The following MICALL2 variants were observed in gnomAD, a reference collection of about 807,000 sequenced individuals.
MICALL2 encodes MICAL like 2, also known as MICAL-like protein 2.
A neutral mutation model predicts 91.1 loss-of-function variants in MICALL2; 111 were observed. That is an observed-to-expected ratio of 1.22 (90% CI 1.04 to 1.43). The LOEUF (loss-of-function observed/expected upper bound fraction) is 1.43. MICALL2 is among the 40% of genes most tolerant of loss of function. The pLI, the probability that MICALL2 is intolerant of heterozygous loss-of-function variation, is 0.00. For synonymous variants in MICALL2, 694 were observed against 525.3 expected, an observed-to-expected ratio of 1.32 and a Z score of -4.39; for missense variants, 1,556 against 1,236.0, an observed-to-expected ratio of 1.26 and a Z score of -3.88.
chr7:1,447,207 C>T (rs980508167), intron 4 of MICALL2, among the ~76,000 whole-genome samples: 29 of 152,320 alleles, frequency 1.9e-4, no homozygotes, highest in African/African-American at 6.5e-4. Flanking sequence ...CACCGCCTTC[C>T]ACCCCAACTC....
intron 8 of MICALL2, 114 bp downstream of exon 8, chr7:1,440,477 A>T: frequency 2.1e-6 from 2 of 936,572 alleles, no homozygotes; most frequent in Admixed American, 3.9e-5. Context: ...TGCTACTCAC[A>T]GGGAGGTGCG....
At chr7:1,457,896 C>A (rs996251333) in intron 1 of MICALL2, among the ~76,000 whole-genome samples, 1 of 152,276 alleles carries the variant, frequency 6.6e-6, no homozygotes, top group Non-Finnish European at 1.5e-5. Context: ...CTCCCCATTC[C>A]GGGTCCTTCT....
chr7:1,439,218 G>A (rs1780139446), intron 9 of MICALL2: 1 of 533,920 alleles, frequency 1.9e-6, no homozygotes, highest in Non-Finnish European at 3.3e-6. Context: ...GGCTGCTCAA[G>A]GTCACACAGG....
intron 13 of MICALL2, 67 bp downstream of exon 13, chr7:1,437,823 C>CGCCTG (rs1562446701): frequency 1.4e-6 from 2 of 1,449,078 alleles, no homozygotes; most frequent in East Asian, 5.0e-5. Context: ...TCCTGTCCCC[C>CGCCTG]GCCTGGCCTG....
intron 16 of MICALL2, 180 bp downstream of exon 16, chr7:1,434,921 G>C: frequency 1.3e-6 from 1 of 754,204 alleles, no homozygotes; most frequent in Non-Finnish European, 2.2e-6. Flanking sequence ...GCGGGAGGGA[G>C]CTCTCACCCT....
chr7:1,441,829 C>T (rs958515461), intron 7 of MICALL2: 39 of 302,112 alleles, frequency 1.3e-4, no homozygotes, highest in African/African-American at 2.4e-4. Context: ...CAAAACACCA[C>T]GGGAGAACAG....
chr7:1,439,282 C>T, intron 9 of MICALL2: 1 of 439,180 alleles, frequency 2.3e-6, no homozygotes, highest in South Asian at 3.5e-5. Context: ...GCTAGGAATA[C>T]ACACAGAGAT....
In MICALL2 at chr7:1,446,765, G is replaced by A. The variant is rs752670202; in HGVS notation, c.589C>T (p.Leu197=). The A allele has an allele frequency of 1.4e-5, 22 of 1,608,492 alleles. No individual in the cohort carries two copies. In the Admixed American group the frequency reaches 1.5e-4, roughly 11 times the overall value. ...CCGTCGGCCAGGTGCCGCTGTACCA[G>A]GTGCACGTGCTTGCCGCAGACCCCG... ...TCGVCGKHVH[L]VQRHLADGRL... is the part of the protein sequence containing the mutation. Residue 197 remains leucine (L), a synonymous_variant, in exon 5 of 17, where the codon CTG becomes TTG. Transcript: ENST00000297508.
At position 1,436,728 on chromosome 7, in the gene MICALL2, C is replaced by CTGGG; in HGVS notation, c.2591+13_2591+14insCCCA. On this transcript the variant is annotated intron_variant, in intron 15 of 16. Coordinates refer to ENST00000297508, the MANE Select transcript of MICALL2 (RefSeq NM_182924.4). ...TGGCCTGGCTGGGAGGGGCCCCCGG[C>CTGGG]ACCTGCCCCTCACCGGAGCCGGTCC... 2 of 1,592,966 alleles carry CTGGG rather than the reference C, an allele frequency of 1.3e-6. No individual in the cohort carries two copies. Among genetic ancestry groups the CTGGG allele is most frequent in the Admixed American group, 3.4e-5 (2 of 58,430 alleles).
chr7:1,450,366 T>C, intron 1 of MICALL2, 78 bp from the exon 2 acceptor site: 1 of 1,237,456 alleles, frequency 8.1e-7, no homozygotes, highest in East Asian at 2.3e-5. Flanking sequence ...GAGGTCATCT[T>C]GCCCAAACAG....
intron 16 of MICALL2, 139 bp from the exon 17 acceptor site, chr7:1,434,811 C>A: frequency 1.1e-6 from 1 of 922,782 alleles, no homozygotes; most frequent in Non-Finnish European, 1.6e-6. Flanking sequence ...GCAGGAAGCC[C>A]TGTGCCCTCC....
chr7:1,449,456 C>T (rs531401666), intron 2 of MICALL2, among the ~76,000 whole-genome samples: 10 of 152,214 alleles, frequency 6.6e-5, no homozygotes, highest in South Asian at 2.1e-4. Flanking sequence ...ATTACAGGTG[C>T]GCACCACCAC....
intron 3 of MICALL2, 53 bp downstream of exon 3, chr7:1,448,567 C>CAAA: frequency 6.2e-7 from 1 of 1,606,696 alleles, no homozygotes; most frequent in African/African-American, 1.3e-5. Context: ...GGAGCCAGGC[C>CAAA]AAGGATGGGG....
intron 6 of MICALL2, among the ~76,000 whole-genome samples, chr7:1,443,805 G>A (rs1780426119): frequency 1.3e-5 from 2 of 152,184 alleles, no homozygotes; most frequent in African/African-American, 4.8e-5. Flanking sequence ...TCAGACTTCT[G>A]GCCTGCAGAG....
At chr7:1,447,040 G>A (rs1296941102) in intron 4 of MICALL2, among the ~76,000 whole-genome samples, 3 of 152,142 alleles carry the variant, frequency 2.0e-5, no homozygotes, top group African/African-American at 2.4e-5. Context: ...GCTGAGGCCC[G>A]ATGCTAGTGG....
In MICALL2 at chr7:1,451,886, C is replaced by G. The variant is rs909833710; in HGVS notation, c.144-1598G>C. Among the ~76,000 whole-genome samples, 16 of 152,326 alleles carry G rather than the reference C, an allele frequency of 1.1e-4. No individual in the cohort carries two copies. The highest frequency in any genetic ancestry group is 1.7e-4 in the African/African-American group (7 of 41,564). The stretch of plus-strand genomic sequence containing the variant: ...TGCACAGCCCTTGCCAGGCCCTGAC[C>G]CCCATAAGAATGCTCCGAGGCCCGG... On this transcript the variant is annotated intron_variant, in intron 1 of 16. Transcript: ENST00000297508. This position sits in a 1 kb window ranked among gnomAD's most constrained non-coding sequence, Gnocchi z 4.5.
chr7:1,456,065 G>A (rs868174984), intron 1 of MICALL2, among the ~76,000 whole-genome samples: 12 of 151,908 alleles, frequency 7.9e-5, no homozygotes, highest in Middle Eastern at 3.2e-3. Flanking sequence ...CCAGAGGTAC[G>A]GCAGGGAGCA....
chr7:1,455,165 C>T (rs1421696998), intron 1 of MICALL2, among the ~76,000 whole-genome samples: 1 of 152,236 alleles, frequency 6.6e-6, no homozygotes, highest in Non-Finnish European at 1.5e-5. Flanking sequence ...ACACGCTGTG[C>T]CCCCTGCCCC....
intron 1 of MICALL2, among the ~76,000 whole-genome samples, chr7:1,453,868 T>C (rs770867189): frequency 6.6e-6 from 1 of 152,096 alleles, no homozygotes; most frequent in African/African-American, 2.4e-5. Context: ...CTGTGCTTGG[T>C]GAGATTTCTG....
Sources: gnomAD v4.1 joint callset for allele counts (sites outside exome capture counted in the v4.1 genomes callset) on GRCh38, gnomAD v4.1.1 for gene constraint, Gnocchi (gnomAD v3.1) non-coding constraint, MANE v1.5 for transcripts, NCBI Gene and HGNC (gene_info 2026-07-23, HGNC 2026-07-21) for gene names.